Variants in SLC35A1 observed in about 807,000 individuals in gnomAD.
The protein encoded by SLC35A1 is CMP-sialic acid transporter.
In SLC35A1, 21 loss-of-function variants were observed where a neutral mutation model predicts 40.3. The ratio of observed to expected loss-of-function variants is 0.52; its 90% CI spans 0.37 to 0.75. The LOEUF (loss-of-function observed/expected upper bound fraction) is 0.75. Among genes scored for constraint, SLC35A1 ranks in the 30% least tolerant of loss-of-function variants. The probability of loss-of-function intolerance (pLI) is 0.00; values close to 1 mark genes in which losing one functional copy is unlikely to be tolerated. For missense variants in SLC35A1, 297 were observed against 382.1 expected, an observed-to-expected ratio of 0.78 and a Z score of 1.86; for synonymous variants, 146 against 147.3, an observed-to-expected ratio of 0.99 and a Z score of 0.06.
At position 87,499,865 on chromosome 6, in the gene SLC35A1, C is replaced by T. The variant is rs562163080; in HGVS notation, c.195-643C>T. 2.0e-5 allele frequency among the ~76,000 whole-genome samples: 3 copies of T among 152,260 alleles called. No individual in the cohort carries two copies. The South Asian group carries it at 6.2e-4, about 32-fold the overall frequency. On this transcript the variant is annotated intron_variant, in intron 2 of 7. Coordinates refer to ENST00000369552, the MANE Select transcript of SLC35A1 (RefSeq NM_006416.5). ...GTGCAGTGGCTCACGCCTGTAATCC[C>T]AGTACTTTGGGAGGCCGAGGCGGGC...
At chr6:87,492,778 G>T (rs1769592612) in intron 2 of SLC35A1, among the ~76,000 whole-genome samples, 1 of 152,028 alleles carries the variant, frequency 6.6e-6, no homozygotes. Flanking sequence ...TTGAACTCCT[G>T]ACCTCAGGCG....
At chr6:87,486,593 T>C (rs1582174485) in intron 2 of SLC35A1, among the ~76,000 whole-genome samples, 1 of 152,034 alleles carries the variant, frequency 6.6e-6, no homozygotes, top group African/African-American at 2.4e-5. Context: ...ATAGGTGATG[T>C]TATGAGGGAA....
At chr6:87,509,212 G>A in intron 7 of SLC35A1, 37 bp downstream of exon 7, 2 of 1,612,972 alleles carry the variant, frequency 1.2e-6, no homozygotes, top group Non-Finnish European at 1.7e-6. Context: ...TAACATGGAA[G>A]AGCCTCCCAT....
Position 87,511,653 on chromosome 6 carries a change from T to C in SLC35A1, c.*127T>C. 1 of 1,046,070 alleles carries C rather than the reference T, an allele frequency of 9.6e-7. No individual in the cohort carries two copies. The highest frequency in any genetic ancestry group is 1.3e-5 in the South Asian group (1 of 77,974). 64.8% of individuals were successfully genotyped at this position (1,046,070 alleles called of 1,614,324 possible). ...GTATGGCATGATCAGTGCGGTTATG[T>C]GGAAACAACAACAAACAAACGAAGC... On this transcript the variant is annotated 3_prime_UTR_variant, in exon 8 of 8. Coordinates refer to ENST00000369552, the MANE Select transcript of SLC35A1 (RefSeq NM_006416.5).
rs916254322 is a variant in SLC35A1 at position 87,483,833 on chromosome 6, C to G, written c.194+6294C>G. 5.3e-5 allele frequency among the ~76,000 whole-genome samples: 8 copies of G among 152,246 alleles called. No homozygotes were observed. In the East Asian group the frequency reaches 1.4e-3, roughly 26 times the overall value. ...CATGTTGTCCTCTCTGGCTGCTCCC[C>G]CAAGGGAGAATTAGGCCCTTCTTAG... On this transcript the variant is annotated intron_variant, in intron 2 of 7. Coordinates refer to ENST00000369552, the MANE Select transcript of SLC35A1 (RefSeq NM_006416.5).
At chr6:87,481,699 A>G (rs1769250223) in intron 2 of SLC35A1, among the ~76,000 whole-genome samples, 2 of 152,226 alleles carry the variant, frequency 1.3e-5, no homozygotes, top group Non-Finnish European at 2.9e-5. Flanking sequence ...ACCATAAGGT[A>G]AGATTTCCAT....
intron 2 of SLC35A1, among the ~76,000 whole-genome samples, chr6:87,478,379 T>C (rs191454844): frequency 6.6e-6 from 1 of 152,206 alleles, no homozygotes; most frequent in Non-Finnish European, 1.5e-5. Context: ...AAATAAAATC[T>C]AATAGGTAAA....
chr6:87,477,347 G>A lies in SLC35A1; in HGVS notation c.17-15G>A. 6.2e-7 allele frequency: 1 copy of A among 1,606,858 alleles called. No individual in the cohort carries two copies. The highest frequency in any genetic ancestry group is 8.5e-7 in the Non-Finnish European group (1 of 1,176,544). Reference sequence around the variant, plus strand: ...TTGTCTACTAAGTAATGTCTTTGTTGCACGTATTTTCCAGACAATGTCACT... The same window carrying A: ...TTGTCTACTAAGTAATGTCTTTGTTACACGTATTTTCCAGACAATGTCACT... On this transcript the variant is annotated splice_polypyrimidine_tract_variant and intron_variant, in intron 1 of 7. Coordinates refer to ENST00000369552, the MANE Select transcript of SLC35A1 (RefSeq NM_006416.5).
At chr6:87,500,807 A>G in intron 3 of SLC35A1, 140 bp downstream of exon 3, 5 of 830,684 alleles carry the variant, frequency 6.0e-6, no homozygotes, top group Non-Finnish European at 9.4e-6. Flanking sequence ...GAGTGCAGTG[A>G]CGTGATCTCA....
intron 2 of SLC35A1, among the ~76,000 whole-genome samples, chr6:87,481,256 A>C (rs1423922759): frequency 6.6e-6 from 1 of 152,066 alleles, no homozygotes; most frequent in Non-Finnish European, 1.5e-5. Flanking sequence ...GTCTCTACTA[A>C]AAAATACAAA....
chr6:87,509,593 CA>C (rs1770191416), intron 7 of SLC35A1, among the ~76,000 whole-genome samples: 1 of 152,270 alleles, frequency 6.6e-6, no homozygotes, highest in East Asian at 1.9e-4. Flanking sequence ...ATGTAGAAAA[CA>C]TCTTTTAGTC....
At chr6:87,476,924 C>A (rs1769090934) in intron 1 of SLC35A1, among the ~76,000 whole-genome samples, 2 of 152,046 alleles carry the variant, frequency 1.3e-5, no homozygotes, top group African/African-American at 4.8e-5. Context: ...GAGGCTGAGG[C>A]ACGAGAATCG....
intron 2 of SLC35A1, among the ~76,000 whole-genome samples, chr6:87,491,717 G>A (rs994707783): frequency 3.3e-5 from 5 of 152,198 alleles, no homozygotes; most frequent in Non-Finnish European, 7.3e-5. Context: ...CCAGGATCAA[G>A]ATGCTGGCAG....
At chr6:87,506,812 G>T in intron 5 of SLC35A1, 1 of 276,042 alleles carries the variant, frequency 3.6e-6, no homozygotes, top group Non-Finnish European at 7.0e-6. Context: ...GCTGCTTTAG[G>T]TTGTTAATGT....
intron 2 of SLC35A1, among the ~76,000 whole-genome samples, chr6:87,498,567 A>C (rs1179521318): frequency 6.6e-6 from 1 of 152,134 alleles, no homozygotes; most frequent in African/African-American, 2.4e-5. Context: ...TAAGGTCAGG[A>C]GTTTGAGACC....
chr6:87,503,502 G>C (rs1769982396), intron 4 of SLC35A1, among the ~76,000 whole-genome samples: 1 of 152,138 alleles, frequency 6.6e-6, no homozygotes, highest in Non-Finnish European at 1.5e-5. Flanking sequence ...CACCAGGTGA[G>C]GAGTTCGAGA....
intron 2 of SLC35A1, among the ~76,000 whole-genome samples, chr6:87,484,238 G>A (rs1769329547): frequency 6.6e-6 from 1 of 152,200 alleles, no homozygotes; most frequent in African/African-American, 2.4e-5. Context: ...CCACAAGGGG[G>A]CGGGGTGCAC....
intron 5 of SLC35A1, among the ~76,000 whole-genome samples, chr6:87,507,828 C>CGGCTA (rs1582196612): frequency 3.3e-5 from 4 of 119,600 alleles, no homozygotes; most frequent in Admixed American, 7.9e-5. Context: ...TGCACATATA[C>CGGCTA]ACAAAATTTA....
intron 1 of SLC35A1, among the ~76,000 whole-genome samples, chr6:87,476,674 G>C (rs905716850): frequency 2.6e-5 from 4 of 151,924 alleles, no homozygotes; most frequent in African/African-American, 9.7e-5. Flanking sequence ...GCAGTGAGCC[G>C]AGATCACGTC....
Sources: allele counts gnomAD v4.1 joint callset (sites outside exome capture counted in the v4.1 genomes callset), GRCh38; gene constraint gnomAD v4.1.1; transcripts MANE v1.5; gene names NCBI Gene and HGNC (gene_info 2026-07-23, HGNC 2026-07-21).